The following GALNTL6 variants were observed in gnomAD, a reference collection of about 807,000 sequenced individuals.
The protein encoded by GALNTL6 is polypeptide N-acetylgalactosaminyltransferase-like 6.
Under a neutral mutation model 73.7 loss-of-function variants are expected in GALNTL6, and 46 were observed. The observed-to-expected ratio is 0.62, with a 90% CI of 0.49 to 0.80. The LOEUF (loss-of-function observed/expected upper bound fraction) is 0.80. Among genes scored for constraint, GALNTL6 ranks in the 30% least tolerant of loss-of-function variants. GALNTL6 has a pLI of 0.00. For missense variants in GALNTL6, 604 were observed against 755.0 expected, an observed-to-expected ratio of 0.80 and a Z score of 2.34; for synonymous variants, 259 against 263.7, an observed-to-expected ratio of 0.98 and a Z score of 0.17.
At chr4:172,927,898 G>A (rs1748141022) in intron 8 of GALNTL6, among the ~76,000 whole-genome samples, 2 of 152,114 alleles carry the variant, frequency 1.3e-5, no homozygotes, top group Non-Finnish European at 1.5e-5. Flanking sequence ...TCAAAGAGAG[G>A]AGACATAGAC....
At chr4:172,473,370 G>A (rs1007551412) in intron 5 of GALNTL6, among the ~76,000 whole-genome samples, 5 of 151,914 alleles carry the variant, frequency 3.3e-5, no homozygotes, top group Non-Finnish European at 7.4e-5. Context: ...CCATCCCTTC[G>A]TTGTTTTGCA....
intron 2 of GALNTL6, among the ~76,000 whole-genome samples, chr4:171,914,046 T>C (rs930333930): frequency 2.6e-5 from 4 of 152,062 alleles, no homozygotes; most frequent in Admixed American, 1.3e-4. Flanking sequence ...CTTGCTATTG[T>C]TATAAAGGCT....
intron 5 of GALNTL6, among the ~76,000 whole-genome samples, chr4:172,613,633 G>GT (rs1362327537): frequency 1.3e-5 from 2 of 152,158 alleles, no homozygotes; most frequent in African/African-American, 2.4e-5. Flanking sequence ...AGCAAAATGT[G>GT]TTTTTTGGAA....
At chr4:172,187,366 C>T (rs1404562162) in intron 2 of GALNTL6, among the ~76,000 whole-genome samples, 2 of 152,050 alleles carry the variant, frequency 1.3e-5, no homozygotes, top group Non-Finnish European at 2.9e-5. Flanking sequence ...CCAGGACCAC[C>T]TAGTCTATTC....
chr4:172,280,033 A>C (rs1036750577), intron 3 of GALNTL6, among the ~76,000 whole-genome samples: 4 of 152,192 alleles, frequency 2.6e-5, no homozygotes, highest in Admixed American at 1.3e-4. Flanking sequence ...GGAGTAGTTA[A>C]ATTCACAAAA....
chr4:172,299,090 T>A (rs1739804266), intron 3 of GALNTL6, among the ~76,000 whole-genome samples: 1 of 152,208 alleles, frequency 6.6e-6, no homozygotes, highest in Admixed American at 6.5e-5. Context: ...CCTGGTTTAG[T>A]CTTGGGAGAG....
At chr4:171,878,263 A>G (rs1002386401) in intron 2 of GALNTL6, among the ~76,000 whole-genome samples, 8 of 152,224 alleles carry the variant, frequency 5.3e-5, no homozygotes, top group African/African-American at 1.9e-4. Flanking sequence ...TTGGGGCAAT[A>G]TGCATCTACC....
chr4:172,987,017 C>A (rs1419627048), intron 10 of GALNTL6, among the ~76,000 whole-genome samples: 1 of 151,952 alleles, frequency 6.6e-6, no homozygotes, highest in African/African-American at 2.4e-5. Flanking sequence ...TGAACAAGAC[C>A]AAAATCTAAC....
intron 3 of GALNTL6, among the ~76,000 whole-genome samples, chr4:172,299,926 G>T (rs1046969228): frequency 2.0e-4 from 31 of 152,056 alleles, no homozygotes; most frequent in African/African-American, 7.5e-4. Context: ...ATATCCTTGT[G>T]AACTTTCTGT....
chr4:172,410,905 T>A (rs115926203), intron 5 of GALNTL6, among the ~76,000 whole-genome samples: 1 of 152,100 alleles, frequency 6.6e-6, no homozygotes, highest in South Asian at 2.1e-4. Flanking sequence ...TTTATTGTTA[T>A]ATAACAGCAC....
chr4:171,970,553 T>C (rs947833586), intron 2 of GALNTL6, among the ~76,000 whole-genome samples: 1 of 152,208 alleles, frequency 6.6e-6, no homozygotes, highest in Non-Finnish European at 1.5e-5. Flanking sequence ...TTAAAAATTT[T>C]TAGTGGAAAA....
At chr4:172,595,065 G>A (rs1737800736) in intron 5 of GALNTL6, among the ~76,000 whole-genome samples, 1 of 152,056 alleles carries the variant, frequency 6.6e-6, no homozygotes, top group Non-Finnish European at 1.5e-5. Context: ...AGAACTTTTT[G>A]GGTCTCTTTT....
intron 3 of GALNTL6, among the ~76,000 whole-genome samples, chr4:172,307,719 C>T (rs1036080651): frequency 9.2e-5 from 14 of 152,056 alleles, no homozygotes; most frequent in African/African-American, 2.9e-4. Context: ...GTGTACATGC[C>T]TGTTTTTATA....
chr4:172,922,868 A>G (rs1264095128), intron 8 of GALNTL6, among the ~76,000 whole-genome samples: 1 of 152,242 alleles, frequency 6.6e-6, no homozygotes, highest in African/African-American at 2.4e-5. Context: ...ACTCAAAGAA[A>G]TCATTTCATT....
chr4:172,764,650 T>A (rs983267420), intron 5 of GALNTL6, among the ~76,000 whole-genome samples: 1 of 152,196 alleles, frequency 6.6e-6, no homozygotes. Flanking sequence ...TCAGAAAGTA[T>A]GATGGTATCC....
chr4:171,984,196 C>T (rs1050994624), intron 2 of GALNTL6, among the ~76,000 whole-genome samples: 4 of 152,170 alleles, frequency 2.6e-5, no homozygotes, highest in African/African-American at 2.4e-5. Context: ...CCCACTTTTA[C>T]ATTATGCCCT....
chr4:171,882,508 T>C (rs1462369263), intron 2 of GALNTL6, among the ~76,000 whole-genome samples: 1 of 152,172 alleles, frequency 6.6e-6, no homozygotes, highest in Non-Finnish European at 1.5e-5. Context: ...GATGGATCAG[T>C]ATGAATCCCA....
intron 5 of GALNTL6, among the ~76,000 whole-genome samples, chr4:172,482,326 C>T (rs1298735304): frequency 1.3e-5 from 2 of 152,242 alleles, no homozygotes; most frequent in Admixed American, 1.3e-4. Flanking sequence ...TCCCACATTA[C>T]AGCAACGGGC....
In GALNTL6 at chr4:171,821,677, C is replaced by G. The variant is rs576299138; in HGVS notation, c.138+6959C>G. Among the ~76,000 whole-genome samples the G allele has an allele frequency of 3.3e-4, 46 of 137,702 alleles. 1 individual carries two copies. The South Asian group carries it at 9.2e-3, about 27-fold the overall frequency. The allele number at this position is 137,702 out of a possible 152,430, so 90.3% of individuals were successfully genotyped here. Reference sequence around the variant, plus strand: ...TATATATATATATATAGTTATTACACACAAGTGTTTATAAGCAATCATTGC... The same window carrying G: ...TATATATATATATATAGTTATTACAGACAAGTGTTTATAAGCAATCATTGC... On this transcript the variant is annotated intron_variant, in intron 2 of 12. Transcript: ENST00000506823.
Sources: allele counts gnomAD v4.1 joint callset (sites outside exome capture counted in the v4.1 genomes callset), GRCh38; gene constraint gnomAD v4.1.1; transcripts MANE v1.5; gene names NCBI Gene and HGNC (gene_info 2026-07-23, HGNC 2026-07-21).